The following CDH12 variants were observed in gnomAD, a reference collection of about 807,000 sequenced individuals.
CDH12 encodes cadherin-12.
In CDH12, 41 loss-of-function variants were observed where a neutral mutation model predicts 74.1. The ratio of observed to expected loss-of-function variants is 0.55; its 90% CI spans 0.43 to 0.72. The LOEUF (loss-of-function observed/expected upper bound fraction) is 0.72. CDH12 is among the 30% of genes least tolerant of loss of function. The probability of loss-of-function intolerance (pLI) is 0.00; values close to 1 mark genes in which losing one functional copy is unlikely to be tolerated. For missense variants in CDH12, 945 were observed against 977.2 expected, an observed-to-expected ratio of 0.97 and a Z score of 0.44; for synonymous variants, 399 against 355.0, an observed-to-expected ratio of 1.12 and a Z score of -1.39.
rs148357990 is a variant in CDH12 at position 22,608,033 on chromosome 5, C to G, written c.-522-102669G>C. ...GGAAATGTGGGGTTGGAGCCCCACACAGAGTCCCCAACTGAGGCATTGCCT... is the reference window on the plus strand; with the variant it reads ...GGAAATGTGGGGTTGGAGCCCCACAGAGAGTCCCCAACTGAGGCATTGCCT... On this transcript the variant is annotated intron_variant, in intron 1 of 14. Transcript: ENST00000382254. Among the ~76,000 whole-genome samples the G allele has an allele frequency of 3.6e-3, 551 of 152,304 alleles. 1 individual carries two copies. The highest frequency in any genetic ancestry group is 0.01 in the African/African-American group (424 of 41,572).
At chr5:22,842,967 T>C (rs1477036220) in intron 1 of CDH12, among the ~76,000 whole-genome samples, 2 of 152,072 alleles carry the variant, frequency 1.3e-5, no homozygotes, top group Non-Finnish European at 2.9e-5. Flanking sequence ...GGCAGGTGCA[T>C]TTTTTTGGTA....
At chr5:21,802,545 C>G (rs79565444) in intron 9 of CDH12, 125 bp from the exon 10 acceptor site, 1 of 675,406 alleles carries the variant, frequency 1.5e-6, no homozygotes, top group African/African-American at 1.9e-5. Context: ...TTTCATTTTT[C>G]TTAATAACTA....
At chr5:21,775,326 G>A (rs1326501380) in intron 11 of CDH12, among the ~76,000 whole-genome samples, 1 of 152,186 alleles carries the variant, frequency 6.6e-6, no homozygotes, top group Non-Finnish European at 1.5e-5. Flanking sequence ...TCACAGAAAT[G>A]CAGGCCTAGG....
chr5:21,835,200 C>T (rs1326373300), intron 8 of CDH12, among the ~76,000 whole-genome samples: 1 of 151,820 alleles, frequency 6.6e-6, no homozygotes, highest in Non-Finnish European at 1.5e-5. Context: ...AGATTGCCTT[C>T]TCTGGACTCA....
intron 5 of CDH12, among the ~76,000 whole-genome samples, chr5:22,067,206 G>A (rs181360598): frequency 8.3e-4 from 127 of 152,324 alleles, no homozygotes; most frequent in Middle Eastern, 6.8e-3. Context: ...GCAGGAAGCA[G>A]CAACTACTCT....
At chr5:21,873,873 C>CA (rs1751782131) in intron 6 of CDH12, among the ~76,000 whole-genome samples, 1 of 90 alleles carries the variant, frequency 0.011, no homozygotes, top group Non-Finnish European at 0.018. Flanking sequence ...TGAGAACATG[C>CA]GGTTACTTTT....
At chr5:22,361,753 C>T (rs537698239) in intron 3 of CDH12, among the ~76,000 whole-genome samples, 1 of 152,222 alleles carries the variant, frequency 6.6e-6, no homozygotes, top group South Asian at 2.1e-4. Context: ...TGGAACAGAA[C>T]AGAGACCTCA....
chr5:21,901,017 G>T (rs1280773816), intron 6 of CDH12, among the ~76,000 whole-genome samples: 2 of 152,132 alleles, frequency 1.3e-5, no homozygotes, highest in Non-Finnish European at 2.9e-5. Context: ...AGTAAATATT[G>T]TGAAATAATA....
intron 1 of CDH12, among the ~76,000 whole-genome samples, chr5:22,606,494 G>A (rs1477661511): frequency 6.6e-6 from 1 of 152,130 alleles, no homozygotes; most frequent in Non-Finnish European, 1.5e-5. Flanking sequence ...TCTCATGATA[G>A]TGAGTGAGTT....
intron 3 of CDH12, among the ~76,000 whole-genome samples, chr5:22,278,980 T>C (rs1338964122): frequency 6.6e-6 from 1 of 152,098 alleles, no homozygotes; most frequent in Non-Finnish European, 1.5e-5. Flanking sequence ...CTAAATAACT[T>C]CCACTTCAAT....
chr5:22,402,552 G>T (rs1389713428), intron 3 of CDH12, among the ~76,000 whole-genome samples: 1 of 152,120 alleles, frequency 6.6e-6, no homozygotes, highest in Non-Finnish European at 1.5e-5. Flanking sequence ...GTGAAGTATG[G>T]TTTTTCCTTG....
intron 5 of CDH12, among the ~76,000 whole-genome samples, chr5:22,027,222 TTTA>T (rs2150168229): frequency 6.6e-6 from 1 of 152,208 alleles, no homozygotes; most frequent in African/African-American, 2.4e-5. Flanking sequence ...TTGCCAGTAT[TTTA>T]TTGAGGATTT....
At chr5:22,356,812 G>A in intron 3 of CDH12, among the ~76,000 whole-genome samples, 1 of 152,108 alleles carries the variant, frequency 6.6e-6, no homozygotes, top group East Asian at 1.9e-4. Context: ...AAGATGAACT[G>A]TGTTCACATG....
intron 1 of CDH12, among the ~76,000 whole-genome samples, chr5:22,525,185 A>G (rs1266028189): frequency 6.6e-6 from 1 of 152,140 alleles, no homozygotes; most frequent in African/African-American, 2.4e-5. Context: ...TGTATGTGCC[A>G]CATTTTCTTA....
intron 5 of CDH12, among the ~76,000 whole-genome samples, chr5:21,993,041 C>T (rs1432195491): frequency 6.6e-6 from 1 of 152,102 alleles, no homozygotes; most frequent in African/African-American, 2.4e-5. Flanking sequence ...AACTCACTCA[C>T]TATCAGAACG....
chr5:22,469,697 C>A (rs1195726249), intron 2 of CDH12, among the ~76,000 whole-genome samples: 1 of 152,152 alleles, frequency 6.6e-6, no homozygotes, highest in Non-Finnish European at 1.5e-5. Context: ...GTTATCTATA[C>A]TGACTTTTAG....
chr5:22,840,989 G>A (rs192258003), intron 1 of CDH12, among the ~76,000 whole-genome samples: 5 of 151,980 alleles, frequency 3.3e-5, no homozygotes, highest in African/African-American at 7.3e-5. Flanking sequence ...CAGGGAAAAC[G>A]GATCAGAAAT....
At chr5:22,330,765 A>AT (rs1739318250) in intron 3 of CDH12, among the ~76,000 whole-genome samples, 1 of 150,160 alleles carries the variant, frequency 6.7e-6, no homozygotes, top group Non-Finnish European at 1.5e-5. Context: ...AAAAAAAAAA[A>AT]GCAGACGGAA....
At chr5:22,728,911 T>G (rs1283477103) in intron 1 of CDH12, among the ~76,000 whole-genome samples, 1 of 151,754 alleles carries the variant, frequency 6.6e-6, no homozygotes, top group Middle Eastern at 3.2e-3. Context: ...AATAGATCAG[T>G]TCTGAGGGGA....
Sources: allele counts gnomAD v4.1 joint callset (sites outside exome capture counted in the v4.1 genomes callset), GRCh38; gene constraint gnomAD v4.1.1; transcripts MANE v1.5; gene names NCBI Gene and HGNC (gene_info 2026-07-23, HGNC 2026-07-21).